The following CCDC150 variants were observed in gnomAD, a reference collection of about 807,000 sequenced individuals.
The protein encoded by CCDC150 is coiled-coil domain-containing protein 150.
In CCDC150, 151 loss-of-function variants were observed where a neutral mutation model predicts 156.5. The observed-to-expected ratio is 0.97, with a 90% CI of 0.85 to 1.10. The LOEUF is 1.10. Ranked by LOEUF, CCDC150 falls within the 50% of genes least tolerant of loss-of-function variation. The probability of loss-of-function intolerance (pLI) is 0.00; values close to 1 mark genes in which losing one functional copy is unlikely to be tolerated. For missense variants in CCDC150, 1,312 were observed against 1,268.1 expected, an observed-to-expected ratio of 1.03 and a Z score of -0.53; for synonymous variants, 452 against 429.4, an observed-to-expected ratio of 1.05 and a Z score of -0.65.
chr2:196,657,251 C>A, intron 4 of CCDC150, 115 bp downstream of exon 4: 3 of 982,186 alleles, frequency 3.1e-6, no homozygotes, highest in Non-Finnish European at 4.5e-6. Context: ...GGATTCTTGG[C>A]ATTTGACATT....
chr2:196,724,473 T>C (rs1043541142), intron 21 of CCDC150, among the ~76,000 whole-genome samples: 1 of 152,210 alleles, frequency 6.6e-6, no homozygotes, highest in Non-Finnish European at 1.5e-5. Flanking sequence ...TGTTACATGC[T>C]CATGATATGT....
chr2:196,675,864 T>C (rs575323625), intron 10 of CCDC150, among the ~76,000 whole-genome samples: 1 of 152,290 alleles, frequency 6.6e-6, no homozygotes, highest in African/African-American at 2.4e-5. Context: ...ATTTAAAAAT[T>C]TGTTGGTATT....
In CCDC150 at chr2:196,657,087, A is replaced by G; in HGVS notation, c.527A>G (p.Asp176Gly). 2 of 1,613,864 alleles carry G rather than the reference A, an allele frequency of 1.2e-6. No homozygotes were observed. Among genetic ancestry groups the G allele is most frequent in the Non-Finnish European group, 1.7e-6 (2 of 1,179,754 alleles). Residue 176 changes from aspartate to glycine, a missense_variant, in exon 4 of 28, where the codon GAT (aspartate) becomes GGT (glycine). Coordinates refer to ENST00000389175, the MANE Select transcript of CCDC150 (RefSeq NM_001080539.2). ...AAAGAGGAAGAAGACAAGGCACAAG[A>G]TGAGGTGCAAAGGTTGACTGCCACT... ...AVKEEEDKAQ[D>G]EVQRLTATLK...
Position 196,677,293 on chromosome 2 carries a change from G to T in CCDC150, c.1441G>T (p.Val481Phe). ...TTTTTTTCCCATCCTCCTTGGGCAG[G>T]TTAATAAAACAGAAAAAGAAATAGT... ...LEEKERFQRE[V>F]NKTEKEIVQE... Residue 481 changes from valine to phenylalanine, a missense_variant and splice_region_variant, in exon 13 of 28, where the codon GTT becomes TTT. Transcript: ENST00000389175. The T allele has an allele frequency of 2.6e-6, 4 of 1,564,678 alleles. No individual in the cohort carries two copies. The South Asian group carries it at 4.7e-5, about 18-fold the overall frequency.
intron 1 of CCDC150, among the ~76,000 whole-genome samples, 200 bp from the exon 2 acceptor site, chr2:196,646,141 T>C (rs1011232569): frequency 6.6e-6 from 1 of 152,110 alleles, no homozygotes; most frequent in Non-Finnish European, 1.5e-5. Context: ...GCTCATCTCA[T>C]AGGGGAGGGA....
In CCDC150 at chr2:196,695,020, T is replaced by C. The variant is rs563070513; in HGVS notation, c.1510-26T>C. The C allele has an allele frequency of 7.2e-6, 9 of 1,248,836 alleles. No individual in the cohort carries two copies. The South Asian group carries it at 1.2e-4, about 16-fold the overall frequency. The allele number at this position is 1,248,836 out of a possible 1,614,324, so 77.4% of individuals were successfully genotyped here. A position where few individuals can be genotyped will look rare whatever the true frequency, so the allele number is the denominator to read the frequency against. ...CTTTTTGCATCTGGCGTAAATAGTT[T>C]CTTTTTTACTTTTGTTTCTTTAAAG... On this transcript the variant is annotated intron_variant, in intron 13 of 27. Transcript: ENST00000389175.
At chr2:196,722,600 T>C (rs1697987429) in intron 21 of CCDC150, among the ~76,000 whole-genome samples, 1 of 152,126 alleles carries the variant, frequency 6.6e-6, no homozygotes, top group African/African-American at 2.4e-5. Flanking sequence ...TTTCAATTAG[T>C]GAGCATGTTG....
In CCDC150 at chr2:196,730,961, G is replaced by A. The variant is rs752569452; in HGVS notation, c.3069+16G>A. The A allele has an allele frequency of 1.2e-5, 19 of 1,575,464 alleles. No homozygotes were observed. The East Asian group carries it at 2.1e-4, about 17-fold the overall frequency. ...ATCAGAACAGGTGAGCCAGACCCAC[G>A]GACATAAAGACTTAGACGTTTCCTT... On this transcript the variant is annotated intron_variant, in intron 26 of 27. Transcript: ENST00000389175.
chr2:196,675,587 T>C (rs1694447312), intron 10 of CCDC150, among the ~76,000 whole-genome samples: 1 of 149,656 alleles, frequency 6.7e-6, no homozygotes, highest in African/African-American at 2.4e-5. Context: ...TCCAAAATGG[T>C]GAGCCAAAGA....
chr2:196,676,067 G>A, intron 10 of CCDC150, 76 bp from the exon 11 acceptor site: 1 of 1,401,348 alleles, frequency 7.1e-7, no homozygotes, highest in Non-Finnish European at 9.9e-7. Context: ...CAGTGTTTTT[G>A]ATCAGTTACT....
At chr2:196,724,321 G>A (rs1181642425) in intron 21 of CCDC150, among the ~76,000 whole-genome samples, 1 of 152,116 alleles carries the variant, frequency 6.6e-6, no homozygotes, top group African/African-American at 2.4e-5. Context: ...GAAGTGCTAT[G>A]TAGGGGCTCA....
Position 196,702,631 on chromosome 2 carries a change from A to G in CCDC150, c.1695+1451A>G, listed in dbSNP as rs1396700099. Among the ~76,000 whole-genome samples the G allele has an allele frequency of 2.0e-5, 3 of 151,782 alleles. No homozygotes were observed. In the Admixed American group the frequency reaches 2.0e-4, roughly 10 times the overall value. ...AGCAATCTGCCTGCCTTGGCCACCC[A>G]AAGTGCTGGGATTACAAGAGACTTC... On this transcript the variant is annotated intron_variant, in intron 15 of 27. Transcript: ENST00000389175.
chr2:196,712,875 C>T (rs1459327825), intron 17 of CCDC150, 136 bp downstream of exon 17: 3 of 653,076 alleles, frequency 4.6e-6, no homozygotes, highest in Non-Finnish European at 7.9e-6. Flanking sequence ...GAAGAACATA[C>T]CCCAGGAAGG....
Position 196,721,618 on chromosome 2 carries a change from C to A in CCDC150, c.2356C>A (p.Gln786Lys). 1 of 1,606,734 alleles carries A rather than the reference C, an allele frequency of 6.2e-7. No homozygotes were observed. Among genetic ancestry groups the A allele is most frequent in the Non-Finnish European group, 8.5e-7 (1 of 1,176,758 alleles). Residue 786 changes from glutamine (Q) to lysine (K), a missense_variant, in exon 21 of 28, where the codon CAA (glutamine) becomes AAA (lysine). Transcript: ENST00000389175. ...EQALQTNNHL[Q>K]TKLDHIQEQL... ...AGCTCTCCAGACAAATAATCATCTG[C>A]AAACAAAGCTAGATCACATTCAAGA...
At chr2:196,696,619 C>T (rs186100135) in intron 14 of CCDC150, among the ~76,000 whole-genome samples, 379 of 152,308 alleles carry the variant, frequency 2.5e-3, no homozygotes, top group Non-Finnish European at 4.7e-3. Flanking sequence ...ATAGATAACG[C>T]AATTCTAGCT....
chr2:196,702,544 G>T (rs1298460055), intron 15 of CCDC150, among the ~76,000 whole-genome samples: 1 of 151,844 alleles, frequency 6.6e-6, no homozygotes, highest in Non-Finnish European at 1.5e-5. Context: ...CATATTTTTG[G>T]TTTTTCCATG....
At chr2:196,699,183 A>G (rs1696030104) in intron 14 of CCDC150, among the ~76,000 whole-genome samples, 1 of 152,210 alleles carries the variant, frequency 6.6e-6, no homozygotes, top group Non-Finnish European at 1.5e-5. Flanking sequence ...TTTTGAAACC[A>G]ATACTCTACT....
chr2:196,672,582 T>C (rs539039798), intron 9 of CCDC150, 145 bp downstream of exon 9: 11 of 490,574 alleles, frequency 2.2e-5, no homozygotes, highest in Middle Eastern at 5.3e-4. Flanking sequence ...TATTTCATCT[T>C]TGAAACATTA....
intron 13 of CCDC150, 38 bp from the exon 14 acceptor site, chr2:196,695,008 G>T (rs955090292): frequency 3.8e-6 from 4 of 1,039,204 alleles, no homozygotes; most frequent in Admixed American, 4.2e-5. Flanking sequence ...TTTGCATCTG[G>T]CGTAAATAGT....
Sources: gnomAD v4.1 joint callset for allele counts (sites outside exome capture counted in the v4.1 genomes callset) on GRCh38, gnomAD v4.1.1 for gene constraint, MANE v1.5 for transcripts, NCBI Gene and HGNC (gene_info 2026-07-23, HGNC 2026-07-21) for gene names.